The following BEND7 variants were observed in gnomAD, a reference collection of about 807,000 sequenced individuals.
BEND7 encodes the protein BEN domain-containing protein 7.
In BEND7, 28 loss-of-function variants were observed where a neutral mutation model predicts 50.9. The observed-to-expected ratio is 0.55, with a 90% CI of 0.41 to 0.75. The LOEUF (loss-of-function observed/expected upper bound fraction) is 0.75, where lower values mean the gene tolerates loss of function less well. Ranked by LOEUF, BEND7 falls within the 30% of genes least tolerant of loss-of-function variation. The pLI is 0.00. For missense variants in BEND7, 477 were observed against 491.3 expected (o/e 0.97, Z 0.28); for synonymous variants, 170 against 183.9 (o/e 0.92, Z 0.61).
chr10:13,502,947 G>C, intron 2 of BEND7: 1 of 984,844 alleles, frequency 1.0e-6, no homozygotes, highest in Non-Finnish European at 1.2e-6. Context: ...CAAAGGTCCT[G>C]CCTCTGCTCT....
At chr10:13,480,014 C>A (rs2075743288) in intron 6 of BEND7, among the ~76,000 whole-genome samples, 1 of 152,238 alleles carries the variant, frequency 6.6e-6, no homozygotes, top group Non-Finnish European at 1.5e-5. Context: ...AATGCAGGAA[C>A]TGAGCTAGGA....
upstream of BEND7, among the ~76,000 whole-genome samples, chr10:13,529,237 A>ACGC (rs1002446782): frequency 1.7e-4 from 25 of 144,876 alleles, no homozygotes; most frequent in African/African-American, 6.3e-4. Flanking sequence ...CCCGGGGACG[A>ACGC]CGCCGCCGCC....
chr10:13,478,286 C>G (rs2075603695), intron 6 of BEND7, among the ~76,000 whole-genome samples: 1 of 152,198 alleles, frequency 6.6e-6, no homozygotes, highest in Non-Finnish European at 1.5e-5. Context: ...TTTGGAGGAT[C>G]AGTCTTTGGG....
chr10:13,439,648 A>G (rs1835090789), downstream of BEND7: 1 of 728,894 alleles, frequency 1.4e-6, no homozygotes, highest in African/African-American at 1.8e-5. Flanking sequence ...GCTTTGACAC[A>G]TTCTCCCTCC....
At chr10:13,476,413 A>AC (rs1435993380) in intron 6 of BEND7, among the ~76,000 whole-genome samples, 2 of 152,034 alleles carry the variant, frequency 1.3e-5, no homozygotes, top group Admixed American at 6.6e-5. Context: ...TGAACTAAGA[A>AC]CCCCCAACAA....
At chr10:13,469,441 C>T (rs1332125663) in intron 6 of BEND7, among the ~76,000 whole-genome samples, 4 of 152,112 alleles carry the variant, frequency 2.6e-5, no homozygotes, top group South Asian at 2.1e-4. Flanking sequence ...CAGCCAAAAT[C>T]GATTACAGCT....
downstream of BEND7, chr10:13,439,173 CAG>C (rs10590401): frequency 7.5e-3 from 11,974 of 1,605,954 alleles, 727 homozygotes; most frequent in African/African-American, 0.14. Context: ...AAGATAATTT[CAG>C]AGAGAGAGGC....
intron 2 of BEND7, among the ~76,000 whole-genome samples, chr10:13,510,787 TTTTC>T (rs1340370949): frequency 4.6e-5 from 7 of 152,186 alleles, no homozygotes; most frequent in African/African-American, 1.7e-4. Context: ...CATAATTCTA[TTTTC>T]TTTTTCTGTG....
At chr10:13,448,669 A>T (rs1365661891) in intron 7 of BEND7, among the ~76,000 whole-genome samples, 3 of 152,268 alleles carry the variant, frequency 2.0e-5, no homozygotes, top group African/African-American at 7.2e-5. Flanking sequence ...CTGAGAAGGG[A>T]TGAAATATGC....
intron 4 of BEND7, among the ~76,000 whole-genome samples, chr10:13,494,256 A>C (rs2076877879): frequency 6.6e-6 from 1 of 152,124 alleles, no homozygotes; most frequent in African/African-American, 2.4e-5. Flanking sequence ...GTCTCTACTA[A>C]AAATACAAAA....
At chr10:13,528,025 T>C (rs2079541149) in intron 1 of BEND7, among the ~76,000 whole-genome samples, 1 of 152,228 alleles carries the variant, frequency 6.6e-6, no homozygotes, top group South Asian at 2.1e-4. Flanking sequence ...CGTGAGCTTC[T>C]TTCTCCTTCT....
At chr10:13,503,238 A>G (rs2077612890) in intron 2 of BEND7, among the ~76,000 whole-genome samples, 1 of 152,228 alleles carries the variant, frequency 6.6e-6, no homozygotes, top group Non-Finnish European at 1.5e-5. Context: ...TGCCGTGTGC[A>G]GAAACATGTC....
At chr10:13,519,497 A>G (rs1232212995) in intron 2 of BEND7, among the ~76,000 whole-genome samples, 1 of 151,938 alleles carries the variant, frequency 6.6e-6, no homozygotes. Context: ...AGAAAAAAAA[A>G]AAGAAAAGAT....
At chr10:13,510,525 T>C (rs2078201489) in intron 2 of BEND7, among the ~76,000 whole-genome samples, 1 of 152,228 alleles carries the variant, frequency 6.6e-6, no homozygotes, top group African/African-American at 2.4e-5. Flanking sequence ...GAACATTAGA[T>C]AAATGAATTA....
chr10:13,459,178 G>C lies in BEND7; in HGVS notation c.1064-6520C>G, dbSNP rs576458768. 6.8e-4 allele frequency among the ~76,000 whole-genome samples: 104 copies of C among 152,266 alleles called. 2 individuals are homozygous for C. In the Middle Eastern group the frequency reaches 0.014, roughly 20 times the overall value. On this transcript the variant is annotated intron_variant, in intron 6 of 8. Transcript: ENST00000466271. ...TCCCATGTTGAACTTGAGGATGCTGGGTGTTACTTTCAACCTCACAAAATA... is the reference window on the plus strand; with the variant it reads ...TCCCATGTTGAACTTGAGGATGCTGCGTGTTACTTTCAACCTCACAAAATA...
intron 6 of BEND7, among the ~76,000 whole-genome samples, chr10:13,467,933 T>C (rs2074417362): frequency 6.6e-6 from 1 of 152,122 alleles, no homozygotes; most frequent in Non-Finnish European, 1.5e-5. Flanking sequence ...ACAAGGAATA[T>C]ACAAAGCAAA....
At chr10:13,462,673 A>G (rs1054934240) in intron 6 of BEND7, among the ~76,000 whole-genome samples, 1 of 152,208 alleles carries the variant, frequency 6.6e-6, no homozygotes, top group Non-Finnish European at 1.5e-5. Context: ...GATACAAAGG[A>G]CAGAATAAAA....
chr10:13,441,527 G>A lies in BEND7; in HGVS notation c.*216C>T. ...CTGTGGCCCCGCCTTGGAAGGCAGTGCTTCTGAAGGTTCCCAGCAGATCTC... is the reference window on the plus strand; with the variant it reads ...CTGTGGCCCCGCCTTGGAAGGCAGTACTTCTGAAGGTTCCCAGCAGATCTC... On this transcript the variant is annotated 3_prime_UTR_variant, in exon 9 of 9. Coordinates refer to ENST00000466271, the MANE Select transcript of BEND7 (RefSeq NM_001369863.1). The A allele has an allele frequency of 7.2e-7, 1 of 1,390,368 alleles. No individual in the cohort carries two copies. 86.1% of individuals were successfully genotyped at this position (1,390,368 alleles called of 1,614,324 possible).
intron 6 of BEND7, among the ~76,000 whole-genome samples, chr10:13,472,806 A>G (rs1488352367): frequency 2.7e-5 from 4 of 148,094 alleles, no homozygotes; most frequent in Non-Finnish European, 4.4e-5. Flanking sequence ...CGGGGTTGAT[A>G]CTCGTCATCG....
Sources: allele counts gnomAD v4.1 joint callset (sites outside exome capture counted in the v4.1 genomes callset), GRCh38; gene constraint gnomAD v4.1.1; transcripts MANE v1.5; gene names NCBI Gene and HGNC (gene_info 2026-07-23, HGNC 2026-07-21).